Variants in BNC2 observed in about 807,000 individuals in gnomAD.
BNC2 encodes the protein zinc finger protein basonuclin-2.
BNC2 carries 20 observed loss-of-function variants against 76.3 expected under a neutral mutation model. That is an observed-to-expected ratio of 0.26 (90% CI 0.18 to 0.38). BNC2 has a LOEUF of 0.38. BNC2 is among the 10% of genes least tolerant of loss of function. The pLI is 1.00. For synonymous variants in BNC2, 582 were observed against 514.8 expected, an observed-to-expected ratio of 1.13 and a Z score of -1.77; for missense variants, 1,382 against 1,399.8, an observed-to-expected ratio of 0.99 and a Z score of 0.20.
At chr9:16,430,704 A>G (rs1206915873) in intron 6 of BNC2, among the ~76,000 whole-genome samples, 3 of 152,188 alleles carry the variant, frequency 2.0e-5, no homozygotes, top group African/African-American at 4.8e-5. Flanking sequence ...AATACTATAC[A>G]TTTCTGCTTT....
intron 5 of BNC2, among the ~76,000 whole-genome samples, chr9:16,443,858 C>CT (rs1343399783): frequency 6.6e-6 from 1 of 152,194 alleles, no homozygotes; most frequent in Non-Finnish European, 1.5e-5. Context: ...TAAAGCAACA[C>CT]TAGGGAACTT....
At chr9:16,628,628 C>G (rs1404474090) in intron 3 of BNC2, among the ~76,000 whole-genome samples, 1 of 152,146 alleles carries the variant, frequency 6.6e-6, no homozygotes, top group African/African-American at 2.4e-5. Context: ...CACAAACACA[C>G]ACGCAGAGCA....
intron 3 of BNC2, among the ~76,000 whole-genome samples, chr9:16,584,735 T>C (rs1316690323): frequency 6.6e-6 from 1 of 152,160 alleles, no homozygotes; most frequent in Non-Finnish European, 1.5e-5. Context: ...CTGAGAAATA[T>C]ATCAGAACAT....
At chr9:16,630,914 T>C (rs1821144197) in intron 3 of BNC2, among the ~76,000 whole-genome samples, 1 of 152,014 alleles carries the variant, frequency 6.6e-6, no homozygotes, top group Non-Finnish European at 1.5e-5. Context: ...TAATTTTGTA[T>C]TTTTAGTAGA....
At chr9:16,543,388 C>T (rs1818383157) in intron 5 of BNC2, among the ~76,000 whole-genome samples, 1 of 152,150 alleles carries the variant, frequency 6.6e-6, no homozygotes, top group Non-Finnish European at 1.5e-5. Flanking sequence ...TGTATGAGTG[C>T]TGCTCAGGAG....
At chr9:16,670,242 C>T (rs190688652) in intron 3 of BNC2, among the ~76,000 whole-genome samples, 20 of 152,276 alleles carry the variant, frequency 1.3e-4, no homozygotes, top group African/African-American at 4.3e-4. Flanking sequence ...TTTTGAACAT[C>T]TGAAAGAGCC....
chr9:16,492,634 G>C (rs180990994), intron 5 of BNC2, among the ~76,000 whole-genome samples: 178 of 152,080 alleles, frequency 1.2e-3, no homozygotes, highest in African/African-American at 3.9e-3. Flanking sequence ...GAAATCATAT[G>C]ATGTATTTCT....
At chr9:16,630,521 G>A (rs529731174) in intron 3 of BNC2, among the ~76,000 whole-genome samples, 1 of 152,250 alleles carries the variant, frequency 6.6e-6, no homozygotes, top group Admixed American at 6.5e-5. Context: ...ATTAACACCT[G>A]TGTGGAAGGA....
intron 1 of BNC2, among the ~76,000 whole-genome samples, chr9:16,759,291 A>C (rs1825484428): frequency 6.6e-6 from 1 of 152,210 alleles, no homozygotes; most frequent in Non-Finnish European, 1.5e-5. Context: ...TTTCCACAGA[A>C]GTCAAGGACC....
intron 3 of BNC2, among the ~76,000 whole-genome samples, chr9:16,695,323 G>GT (rs1285150918): frequency 1.3e-5 from 2 of 151,788 alleles, no homozygotes; most frequent in African/African-American, 2.4e-5. Context: ...TTGAGACAGG[G>GT]TCTTGCTCTG....
At chr9:16,453,858 T>C (rs1029844981) in intron 5 of BNC2, among the ~76,000 whole-genome samples, 1 of 152,180 alleles carries the variant, frequency 6.6e-6, no homozygotes, top group Non-Finnish European at 1.5e-5. Context: ...GCTAAATGAT[T>C]TAAGCATAAA....
chr9:16,665,962 T>C (rs1047727338), intron 3 of BNC2, among the ~76,000 whole-genome samples: 1 of 152,228 alleles, frequency 6.6e-6, no homozygotes, highest in Non-Finnish European at 1.5e-5. Context: ...ATTAAAAATA[T>C]TAAAGAAACT....
chr9:16,621,194 G>A (rs192928243), intron 3 of BNC2, among the ~76,000 whole-genome samples: 35 of 152,290 alleles, frequency 2.3e-4, no homozygotes, highest in African/African-American at 8.2e-4. Flanking sequence ...CTGGAGAGCA[G>A]ACAGAGGGAA....
At chr9:16,629,800 C>A (rs549779163) in intron 3 of BNC2, among the ~76,000 whole-genome samples, 4 of 152,286 alleles carry the variant, frequency 2.6e-5, no homozygotes, top group South Asian at 2.1e-4. Context: ...TGCTAACAAT[C>A]GTCTGAGCCT....
At chr9:16,848,998 T>G (rs967411042) in intron 1 of BNC2, among the ~76,000 whole-genome samples, 1 of 152,170 alleles carries the variant, frequency 6.6e-6, no homozygotes. Context: ...TACCCCATTA[T>G]GTAAATGTAA....
At chr9:16,602,617 G>A (rs1057012515) in intron 3 of BNC2, among the ~76,000 whole-genome samples, 16 of 152,230 alleles carry the variant, frequency 1.1e-4, no homozygotes, top group Admixed American at 2.0e-4. Flanking sequence ...GCCCTGGGCC[G>A]AGAGCAATGC....
chr9:16,556,091 A>G (rs1325986729), intron 4 of BNC2, among the ~76,000 whole-genome samples: 1 of 151,892 alleles, frequency 6.6e-6, no homozygotes, highest in Non-Finnish European at 1.5e-5. Context: ...CTTGAGCCCA[A>G]GAGTTTGAGA....
Position 16,634,563 on chromosome 9 carries a change from G to A in BNC2, c.331-51478C>T, listed in dbSNP as rs921460145. 8.7e-5 allele frequency among the ~76,000 whole-genome samples: 13 copies of A among 149,064 alleles called. No individual in the cohort carries two copies. In the Middle Eastern group the frequency reaches 0.017, roughly 196 times the overall value. On this transcript the variant is annotated intron_variant, in intron 3 of 6. Coordinates refer to ENST00000380672, the MANE Select transcript of BNC2 (RefSeq NM_017637.6). ...GTCACCCAGGCTGGAGTGCAGTGGC[G>A]CAATCTCTGCTCACTGCAAGCTCTG...
At chr9:16,445,408 C>A (rs1821212074) in intron 5 of BNC2, among the ~76,000 whole-genome samples, 1 of 152,094 alleles carries the variant, frequency 6.6e-6, no homozygotes, top group Admixed American at 6.6e-5. Context: ...AGGAGGCCAG[C>A]TGGAACAACT....
Sources: allele counts gnomAD v4.1 joint callset (sites outside exome capture counted in the v4.1 genomes callset), GRCh38; gene constraint gnomAD v4.1.1; transcripts MANE v1.5; gene names NCBI Gene and HGNC (gene_info 2026-07-23, HGNC 2026-07-21).